The following CERS6 variants were observed in gnomAD, a reference collection of about 807,000 sequenced individuals.
CERS6 encodes LAG1 homolog, ceramide synthase 6.
CERS6 carries 26 observed loss-of-function variants against 56.8 expected under a neutral mutation model. The ratio of observed to expected loss-of-function variants is 0.46; its 90% CI spans 0.34 to 0.63. The LOEUF is 0.63. Ranked by LOEUF, CERS6 falls within the 30% of genes least tolerant of loss-of-function variation. The pLI, the probability that CERS6 is intolerant of heterozygous loss-of-function variation, is 0.01. For synonymous variants in CERS6, 164 were observed against 173.3 expected, an observed-to-expected ratio of 0.95 and a Z score of 0.42; for missense variants, 415 against 467.5, an observed-to-expected ratio of 0.89 and a Z score of 1.04.
intron 4 of CERS6, among the ~76,000 whole-genome samples, chr2:168,670,877 A>C (rs896693286): frequency 6.8e-6 from 1 of 147,272 alleles, no homozygotes; most frequent in Non-Finnish European, 1.5e-5. Flanking sequence ...TGTGAGAGCA[A>C]TGATTTTCTG....
rs1299851211 is a variant in CERS6 at position 168,631,727 on chromosome 2, A to AT, written c.465+687dup. 1.2e-4 allele frequency among the ~76,000 whole-genome samples: 14 copies of AT among 118,880 alleles called. No individual in the cohort carries two copies. In the East Asian group the frequency reaches 3.3e-3, roughly 28 times the overall value. 78.0% of individuals were successfully genotyped at this position (118,880 alleles called of 152,430 possible). A position where few individuals can be genotyped will look rare whatever the true frequency, so the allele number is the denominator to read the frequency against. On this transcript the variant is annotated intron_variant, in intron 4 of 9. Coordinates refer to ENST00000305747, the MANE Select transcript of CERS6 (RefSeq NM_203463.3). ...ATATTTATATTATATTTATATTTATATTATATATAACATAATTATATATAT... is the reference window on the plus strand; with the variant it reads ...ATATTTATATTATATTTATATTTATATTTATATATAACATAATTATATATAT...
chr2:168,752,041 C>A (rs1005011286), intron 8 of CERS6, among the ~76,000 whole-genome samples: 1 of 152,120 alleles, frequency 6.6e-6, no homozygotes, highest in Non-Finnish European at 1.5e-5. Context: ...AAATCTCTCT[C>A]AGGGATACAA....
chr2:168,606,176 C>T (rs1164442566), intron 3 of CERS6, among the ~76,000 whole-genome samples: 2 of 152,246 alleles, frequency 1.3e-5, no homozygotes, highest in East Asian at 1.9e-4. Flanking sequence ...CAACTTCTTA[C>T]ACCAGTGTGC....
chr2:168,715,020 T>C lies in CERS6; in HGVS notation c.629T>C (p.Leu210Pro). 6.2e-7 allele frequency: 1 copy of C among 1,608,842 alleles called. No individual in the cohort carries two copies. The highest frequency in any genetic ancestry group is 8.5e-7 in the Non-Finnish European group (1 of 1,177,740). ...IKRKDFGIMF[L>P]HHLVSIFLIT... ...CTCAAGGACTTTGGCATTATGTTCC[T>C]GCACCACCTTGTATCTATTTTCTTG... Residue 210 changes from leucine (L) to proline (P), a missense_variant, in exon 7 of 10, where the codon CTG becomes CCG. Transcript: ENST00000305747.
chr2:168,590,632 T>G (rs1014515102), intron 3 of CERS6, among the ~76,000 whole-genome samples: 1 of 152,164 alleles, frequency 6.6e-6, no homozygotes, highest in Non-Finnish European at 1.5e-5. Flanking sequence ...TATAATTTTG[T>G]TTTTTAATAT....
intron 2 of CERS6, among the ~76,000 whole-genome samples, chr2:168,560,687 C>T (rs1389935654): frequency 6.6e-6 from 1 of 152,102 alleles, no homozygotes; most frequent in East Asian, 1.9e-4. Flanking sequence ...AAAATTGTAC[C>T]TTAGGCTTAA....
At chr2:168,548,077 A>G (rs890461241) in intron 2 of CERS6, among the ~76,000 whole-genome samples, 8 of 152,180 alleles carry the variant, frequency 5.3e-5, no homozygotes, top group Non-Finnish European at 1.2e-4. Flanking sequence ...GTGTGTGCGA[A>G]AAAAGGGACC....
At chr2:168,766,214 C>G in intron 9 of CERS6, 1 of 984,304 alleles carries the variant, frequency 1.0e-6, no homozygotes, top group South Asian at 1.3e-5. Context: ...TCGAATAAAG[C>G]TTCCTAAGCC....
intron 4 of CERS6, among the ~76,000 whole-genome samples, chr2:168,643,956 C>T (rs1000770149): frequency 3.9e-5 from 6 of 152,170 alleles, no homozygotes; most frequent in Non-Finnish European, 7.3e-5. Flanking sequence ...CATACCATGC[C>T]GGTCTCCTAC....
chr2:168,498,466 G>C (rs751598092), intron 1 of CERS6, among the ~76,000 whole-genome samples: 18 of 152,160 alleles, frequency 1.2e-4, no homozygotes, highest in Non-Finnish European at 2.1e-4. Context: ...AAAAGGAACA[G>C]GAACTTACAC....
intron 4 of CERS6, among the ~76,000 whole-genome samples, chr2:168,641,353 C>T (rs190790309): frequency 2.6e-5 from 4 of 152,216 alleles, no homozygotes; most frequent in Middle Eastern, 3.4e-3. Context: ...AGAAACTGCA[C>T]GGAACAAAGT....
Position 168,704,790 on chromosome 2 carries a change from G to A in CERS6, c.609+9739G>A, listed in dbSNP as rs1014131732. Among the ~76,000 whole-genome samples the A allele has an allele frequency of 9.9e-5, 15 of 152,026 alleles. 1 individual carries two copies. Among genetic ancestry groups the A allele is most frequent in the Non-Finnish European group, 1.6e-4 (11 of 68,000 alleles). On this transcript the variant is annotated intron_variant, in intron 6 of 9. Transcript: ENST00000305747. ...CCCGGCTAATTTTTAGTAGAGACGG[G>A]CATTTCACCGTGTTAGCCAGGATGG...
intron 8 of CERS6, among the ~76,000 whole-genome samples, chr2:168,721,650 G>C (rs971079328): frequency 3.4e-5 from 5 of 147,320 alleles, no homozygotes; most frequent in Admixed American, 6.9e-5. Context: ...ACGGGGTCTT[G>C]CTCTGTTGGC....
At chr2:168,568,820 C>T (rs918673997) in intron 3 of CERS6, among the ~76,000 whole-genome samples, 1 of 152,188 alleles carries the variant, frequency 6.6e-6, no homozygotes, top group African/African-American at 2.4e-5. Flanking sequence ...CCACACCATG[C>T]AAAATCGCAC....
chr2:168,463,938 A>G (rs938309542), intron 1 of CERS6, among the ~76,000 whole-genome samples: 2 of 152,162 alleles, frequency 1.3e-5, no homozygotes, highest in African/African-American at 2.4e-5. Context: ...CTTTGAATTG[A>G]AAGAAATGTT....
At chr2:168,578,736 A>T (rs1683338186) in intron 3 of CERS6, among the ~76,000 whole-genome samples, 1 of 152,036 alleles carries the variant, frequency 6.6e-6, no homozygotes, top group African/African-American at 2.4e-5. Context: ...TCTTGCTTTT[A>T]AAAAAAGGTT....
chr2:168,486,676 T>C (rs1694282341), intron 1 of CERS6, among the ~76,000 whole-genome samples: 1 of 152,152 alleles, frequency 6.6e-6, no homozygotes, highest in South Asian at 2.1e-4. Flanking sequence ...ACTGCCTTAC[T>C]TTTTAACTGC....
chr2:168,644,281 G>C, intron 4 of CERS6: 1 of 978,918 alleles, frequency 1.0e-6, no homozygotes, highest in Non-Finnish European at 1.2e-6. Context: ...CTTCAGCTCA[G>C]GAAGATGAAG....
chr2:168,496,349 T>G (rs941833947), intron 1 of CERS6, among the ~76,000 whole-genome samples: 2 of 152,068 alleles, frequency 1.3e-5, no homozygotes. Flanking sequence ...TTTTTTTTTT[T>G]TGTAGAAAAA....
Sources: gnomAD v4.1 joint callset for allele counts (sites outside exome capture counted in the v4.1 genomes callset) on GRCh38, gnomAD v4.1.1 for gene constraint, MANE v1.5 for transcripts, NCBI Gene and HGNC (gene_info 2026-07-23, HGNC 2026-07-21) for gene names.